Variants in EDIL3 observed in about 807,000 individuals in gnomAD.
EDIL3 encodes EGF like and discoidin domains 3.
In EDIL3, 37 loss-of-function variants were observed where a neutral mutation model predicts 67.4. The ratio of observed to expected loss-of-function variants is 0.55; its 90% CI spans 0.42 to 0.72. The LOEUF (loss-of-function observed/expected upper bound fraction) is 0.72. EDIL3 is among the 30% of genes least tolerant of loss of function. EDIL3 has a pLI of 0.00. For missense variants in EDIL3, 527 were observed against 586.3 expected (o/e 0.90, Z 1.04); for synonymous variants, 195 against 196.3 (o/e 0.99, Z 0.05).
At chr5:84,102,625 C>A (rs1483262520) in intron 6 of EDIL3, among the ~76,000 whole-genome samples, 42 of 141,898 alleles carry the variant, frequency 3.0e-4, no homozygotes, top group Non-Finnish European at 4.5e-4. Flanking sequence ...CAAAACAAAA[C>A]AAAAAAAAAA....
chr5:84,093,529 T>A (rs1463156414), intron 6 of EDIL3, among the ~76,000 whole-genome samples: 1 of 152,088 alleles, frequency 6.6e-6, no homozygotes, highest in Non-Finnish European at 1.5e-5. Flanking sequence ...AGATGAACCA[T>A]GCAGTGCATG....
chr5:84,331,565 A>G (rs1474295618), intron 1 of EDIL3, among the ~76,000 whole-genome samples: 2 of 152,122 alleles, frequency 1.3e-5, no homozygotes, highest in Non-Finnish European at 2.9e-5. Context: ...TTTCCCTTCC[A>G]TCATGACTGT....
At chr5:84,105,490 A>G (rs971872957) in intron 6 of EDIL3, among the ~76,000 whole-genome samples, 19 of 152,174 alleles carry the variant, frequency 1.2e-4, no homozygotes, top group African/African-American at 4.3e-4. Flanking sequence ...TTTCGTTTAT[A>G]CCAAATGCCT....
At chr5:84,281,855 CTTTTTT>C (rs10708663) in intron 1 of EDIL3, among the ~76,000 whole-genome samples, 1,234 of 72,748 alleles carry the variant, frequency 0.017, 16 homozygotes, top group African/African-American at 0.069. Flanking sequence ...TTTTATTTCA[CTTTTTT>C]TTTTTTTTTT....
chr5:84,194,155 G>A (rs1371438315), intron 3 of EDIL3, among the ~76,000 whole-genome samples: 1 of 151,828 alleles, frequency 6.6e-6, no homozygotes, highest in Non-Finnish European at 1.5e-5. Flanking sequence ...CCAAAATGAA[G>A]GAAAGACAGT....
At chr5:84,112,191 A>G (rs1178316179) in intron 5 of EDIL3, among the ~76,000 whole-genome samples, 2 of 152,168 alleles carry the variant, frequency 1.3e-5, no homozygotes, top group Non-Finnish European at 2.9e-5. Flanking sequence ...CCACATTTTC[A>G]TTTAATTTAG....
At chr5:84,103,935 C>T (rs1747412938) in intron 6 of EDIL3, among the ~76,000 whole-genome samples, 1 of 151,996 alleles carries the variant, frequency 6.6e-6, no homozygotes, top group African/African-American at 2.4e-5. Context: ...CACTGTAGCA[C>T]CATTCACAAT....
chr5:83,999,793 G>T (rs1347779529), intron 9 of EDIL3, among the ~76,000 whole-genome samples: 1 of 151,948 alleles, frequency 6.6e-6, no homozygotes, highest in Admixed American at 6.6e-5. Context: ...GTATATGAAG[G>T]TTATAGAACA....
intron 4 of EDIL3, among the ~76,000 whole-genome samples, chr5:84,151,078 A>G (rs943427276): frequency 3.3e-5 from 5 of 152,168 alleles, no homozygotes; most frequent in Admixed American, 3.3e-4. Flanking sequence ...GCAAATGTTT[A>G]GTATCTTGAG....
At chr5:84,171,666 C>T (rs1748813952) in intron 4 of EDIL3, among the ~76,000 whole-genome samples, 1 of 152,128 alleles carries the variant, frequency 6.6e-6, no homozygotes, top group Admixed American at 6.5e-5. Flanking sequence ...ATTATAATAA[C>T]CTATCCCAAG....
At chr5:84,066,634 A>G (rs1746646967) in intron 6 of EDIL3, 28 bp from the exon 7 acceptor site, 2 of 1,599,878 alleles carry the variant, frequency 1.3e-6, no homozygotes, top group South Asian at 2.3e-5. Flanking sequence ...ACCAACAATA[A>G]TCTTATTGTT....
chr5:83,943,677 T>G (rs1486608929), intron 10 of EDIL3, 109 bp from the exon 11 acceptor site: 39 of 1,278,510 alleles, frequency 3.1e-5, no homozygotes, highest in Non-Finnish European at 4.0e-5. Flanking sequence ...TGATAACTAT[T>G]CATTTTCTTT....
chr5:84,083,704 AC>A, intron 6 of EDIL3, among the ~76,000 whole-genome samples: 1 of 152,136 alleles, frequency 6.6e-6, no homozygotes, highest in East Asian at 1.9e-4. Flanking sequence ...TCCGTTAGGT[AC>A]CCTGCATCTT....
chr5:84,127,713 G>T (rs1163482419), intron 5 of EDIL3, among the ~76,000 whole-genome samples: 3 of 151,828 alleles, frequency 2.0e-5, no homozygotes, highest in Non-Finnish European at 2.9e-5. Context: ...CTGTTTCTTG[G>T]ATTATCCTTT....
intron 5 of EDIL3, among the ~76,000 whole-genome samples, chr5:84,135,265 T>C (rs888944097): frequency 6.6e-6 from 1 of 152,102 alleles, no homozygotes; most frequent in African/African-American, 2.4e-5. Context: ...TTTAGGAAAA[T>C]GGGAAGGCTT....
chr5:84,237,008 A>T (rs1744695125), intron 2 of EDIL3, among the ~76,000 whole-genome samples: 1 of 152,086 alleles, frequency 6.6e-6, no homozygotes, highest in East Asian at 1.9e-4. Flanking sequence ...AATGCTGTTT[A>T]ATGTCACTAG....
chr5:84,317,681 T>C (rs553875690), intron 1 of EDIL3, among the ~76,000 whole-genome samples: 2 of 152,124 alleles, frequency 1.3e-5, no homozygotes, highest in East Asian at 3.9e-4. Context: ...AAAGAGCTAT[T>C]TATGACAAAC....
intron 1 of EDIL3, among the ~76,000 whole-genome samples, chr5:84,265,559 G>A (rs1230538951): frequency 1.3e-5 from 2 of 152,160 alleles, no homozygotes; most frequent in Non-Finnish European, 2.9e-5. Flanking sequence ...CTTTTACAAC[G>A]TTTTCACATG....
intron 9 of EDIL3, among the ~76,000 whole-genome samples, chr5:84,002,889 A>G (rs978383624): frequency 6.6e-6 from 1 of 152,038 alleles, no homozygotes; most frequent in African/African-American, 2.4e-5. Context: ...GAACCCTTCA[A>G]CCCCTGCTCT....
Sources: allele counts gnomAD v4.1 joint callset (sites outside exome capture counted in the v4.1 genomes callset), GRCh38; gene constraint gnomAD v4.1.1; transcripts MANE v1.5; gene names NCBI Gene and HGNC (gene_info 2026-07-23, HGNC 2026-07-21).